The following SENP2 variants were observed in gnomAD, a reference collection of about 807,000 sequenced individuals.
SENP2 encodes sentrin-specific protease 2.
A neutral mutation model predicts 86.3 loss-of-function variants in SENP2; 16 were observed. The ratio of observed to expected loss-of-function variants is 0.19; its 90% CI spans 0.13 to 0.28. The LOEUF (loss-of-function observed/expected upper bound fraction) is 0.28. Among genes scored for constraint, SENP2 ranks in the 10% least tolerant of loss-of-function variants. The pLI is 1.00. For synonymous variants in SENP2, 222 were observed against 238.7 expected (o/e 0.93, Z 0.64); for missense variants, 552 against 703.0 (o/e 0.79, Z 2.43).
In SENP2 at chr3:185,592,703, G is replaced by A. The variant is rs923198461; in HGVS notation, c.157+2534G>A. On this transcript the variant is annotated intron_variant, in intron 2 of 16. Coordinates refer to ENST00000296257, the MANE Select transcript of SENP2 (RefSeq NM_021627.3). ...ACATTCTCGGCCCACTGCAACCTCCGCCTCCCAGGTTCAAGTGATTCCCCT... is the reference window on the plus strand; with the variant it reads ...ACATTCTCGGCCCACTGCAACCTCCACCTCCCAGGTTCAAGTGATTCCCCT... Among the ~76,000 whole-genome samples the A allele has an allele frequency of 2.0e-5, 3 of 149,872 alleles. No homozygotes were observed. The South Asian group carries it at 6.3e-4, about 32-fold the overall frequency.
At chr3:185,614,050 A>C (rs943533956) in intron 10 of SENP2, among the ~76,000 whole-genome samples, 4 of 152,160 alleles carry the variant, frequency 2.6e-5, no homozygotes, top group African/African-American at 9.7e-5. Flanking sequence ...GGTTGCTGGC[A>C]GAATTCTATT....
chr3:185,594,360 GTT>G (rs1456251978), intron 2 of SENP2, among the ~76,000 whole-genome samples: 1 of 152,186 alleles, frequency 6.6e-6, no homozygotes, highest in Admixed American at 6.5e-5. Flanking sequence ...GGGTAGCAGA[GTT>G]TGTAAAGGCC....
At chr3:185,604,124 A>AAAAT (rs767408180) in intron 5 of SENP2, among the ~76,000 whole-genome samples, 2 of 152,218 alleles carry the variant, frequency 1.3e-5, no homozygotes, top group African/African-American at 2.4e-5. Flanking sequence ...CCGTCTCAAA[A>AAAAT]AAATAAATAA....
intron 15 of SENP2, among the ~76,000 whole-genome samples, chr3:185,625,173 G>A (rs1264376017): frequency 6.6e-6 from 1 of 151,222 alleles, no homozygotes; most frequent in African/African-American, 2.4e-5. Flanking sequence ...GTGCAGTGGC[G>A]CAATCTTGGC....
In SENP2 at chr3:185,611,634, C is replaced by T. The variant is rs1211520071; in HGVS notation, c.723-17C>T. ...TTGCTTTTGTATCTGATCTCCCTCA[C>T]TTTTTGTGTTTCTAAGTTCTCAAAG... On this transcript the variant is annotated splice_polypyrimidine_tract_variant and intron_variant, in intron 7 of 16. Coordinates refer to ENST00000296257, the MANE Select transcript of SENP2 (RefSeq NM_021627.3). The T allele has an allele frequency of 6.3e-7, 1 of 1,580,674 alleles. No homozygotes were observed. Among genetic ancestry groups the T allele is most frequent in the Non-Finnish European group, 8.7e-7 (1 of 1,150,826 alleles).
chr3:185,598,692 G>T, intron 3 of SENP2, 147 bp downstream of exon 3: 1 of 794,800 alleles, frequency 1.3e-6, no homozygotes. Context: ...TAAAGGCCAA[G>T]AAATTAAAGG....
At chr3:185,596,499 T>G (rs1722177598) in intron 2 of SENP2, among the ~76,000 whole-genome samples, 1 of 151,812 alleles carries the variant, frequency 6.6e-6, no homozygotes, top group Non-Finnish European at 1.5e-5. Context: ...TGCATGCCTG[T>G]GATCCCAGCT....
chr3:185,628,438 C>T (rs990037799), intron 16 of SENP2, among the ~76,000 whole-genome samples: 1 of 151,396 alleles, frequency 6.6e-6, no homozygotes, highest in Non-Finnish European at 1.5e-5. Context: ...CGCCCGGTGA[C>T]ATCACTAGTT....
At chr3:185,596,348 A>G (rs1722172559) in intron 2 of SENP2, among the ~76,000 whole-genome samples, 1 of 152,110 alleles carries the variant, frequency 6.6e-6, no homozygotes, top group Non-Finnish European at 1.5e-5. Context: ...GGCCAGGTGC[A>G]GTGGCATACA....
chr3:185,628,892 T>C (rs963773626), intron 16 of SENP2, among the ~76,000 whole-genome samples: 1 of 152,094 alleles, frequency 6.6e-6, no homozygotes, highest in Non-Finnish European at 1.5e-5. Flanking sequence ...GCTTTGCAAA[T>C]TGCCCATGTA....
At chr3:185,626,462 C>T (rs1712149835) in intron 16 of SENP2, 69 bp downstream of exon 16, 2 of 1,043,316 alleles carry the variant, frequency 1.9e-6, no homozygotes, top group Admixed American at 1.8e-5. Flanking sequence ...CAGTGCCTGG[C>T]ACACATTCAG....
intron 13 of SENP2, 137 bp downstream of exon 13, chr3:185,619,639 GTT>G: frequency 7.3e-6 from 3 of 412,754 alleles, no homozygotes; most frequent in Non-Finnish European, 1.2e-5. Context: ...TCTCTTTTTA[GTT>G]TTTTTTTTAA....
At position 185,604,834 on chromosome 3, in the gene SENP2, C is replaced by A. The variant is rs1347427809; in HGVS notation, c.450-1496C>A. 2.0e-5 allele frequency among the ~76,000 whole-genome samples: 3 copies of A among 151,676 alleles called. No homozygotes were observed. In the East Asian group the frequency reaches 5.9e-4, roughly 30 times the overall value. On this transcript the variant is annotated intron_variant, in intron 5 of 16. Coordinates refer to ENST00000296257, the MANE Select transcript of SENP2 (RefSeq NM_021627.3). ...GCAGTGCCGCAATCTCGGCTCCCTG[C>A]AACCTCCGCCTCCTGGGTTCGAGCA...
chr3:185,609,194 TA>T, intron 6 of SENP2, 52 bp from the exon 7 acceptor site: 1 of 1,304,098 alleles, frequency 7.7e-7, no homozygotes, highest in Non-Finnish European at 1.1e-6. Flanking sequence ...TTTGGCCTTT[TA>T]ATTATAAATT....
At chr3:185,603,015 C>T (rs1722398427) in intron 5 of SENP2, among the ~76,000 whole-genome samples, 2 of 147,946 alleles carry the variant, frequency 1.4e-5, no homozygotes, top group Non-Finnish European at 3.0e-5. Flanking sequence ...TGGGTTCAAG[C>T]GATTCTCCTG....
chr3:185,602,832 TAAAAAAAAAAAAAAA>T (rs1156317272), intron 5 of SENP2, among the ~76,000 whole-genome samples: 1 of 63,042 alleles, frequency 1.6e-5, no homozygotes, highest in Non-Finnish European at 2.8e-5. Flanking sequence ...GACTCTGTCT[TAAAAAAAAAAAAAAA>T]AAAAAAAAAA....
At chr3:185,626,182 T>G (rs1397002669) in intron 15 of SENP2, 116 bp from the exon 16 acceptor site, 2 of 652,360 alleles carry the variant, frequency 3.1e-6, no homozygotes, top group East Asian at 2.7e-5. Context: ...AGGTAATACC[T>G]GATTTAATAT....
At chr3:185,594,596 A>G (rs1722114956) in intron 2 of SENP2, among the ~76,000 whole-genome samples, 1 of 150,436 alleles carries the variant, frequency 6.6e-6, no homozygotes, top group South Asian at 2.1e-4. Flanking sequence ...AAGAAAGAAG[A>G]CCTCAGAATT....
At chr3:185,592,196 A>C (rs756841554) in intron 2 of SENP2, among the ~76,000 whole-genome samples, 7 of 151,352 alleles carry the variant, frequency 4.6e-5, no homozygotes, top group Non-Finnish European at 7.4e-5. Flanking sequence ...CTCCTGCCTC[A>C]GTCTCCTGAG....
Sources: allele counts gnomAD v4.1 joint callset (sites outside exome capture counted in the v4.1 genomes callset), GRCh38; gene constraint gnomAD v4.1.1; transcripts MANE v1.5; gene names NCBI Gene and HGNC (gene_info 2026-07-23, HGNC 2026-07-21).